Variants in HYDIN observed in about 807,000 individuals in gnomAD.
HYDIN encodes the protein HYDIN axonemal central pair apparatus protein, also known as axonemal central pair apparatus protein HYDIN.
HYDIN carries 132 observed loss-of-function variants against 403.9 expected under a neutral mutation model. The ratio of observed to expected loss-of-function variants is 0.33; its 90% confidence interval spans 0.28 to 0.38. The LOEUF is 0.38. HYDIN is among the 10% of genes least tolerant of loss of function. The probability of loss-of-function intolerance (pLI) is 1.00; values close to 1 mark genes in which losing one functional copy is unlikely to be tolerated. For missense variants in HYDIN, 2,827 were observed against 5,009.5 expected (o/e 0.56, Z 13.15); for synonymous variants, 1,202 against 1,891.7 (o/e 0.64, Z 9.46).
chr16:70,987,259 G>A (rs1359495544), intron 27 of HYDIN, among the ~76,000 whole-genome samples: 5 of 152,160 alleles, frequency 3.3e-5, no homozygotes, highest in African/African-American at 4.8e-5. Flanking sequence ...AAGTAAAACC[G>A]GAATACGAAA....
In HYDIN at chr16:71,230,635, C is replaced by G. The variant is rs1399099196; in HGVS notation, c.-97G>C. 1.3e-6 allele frequency: 2 copies of G among 1,536,032 alleles called. No homozygotes were observed. The highest frequency in any genetic ancestry group is 2.0e-5 in the Admixed American group (1 of 50,996). Reference sequence around the variant, plus strand: ...AGACCCCGCGTCCAACTCACAGACCCCGCCGCCGCTGAGGGGCTCCATACC... The same window carrying G: ...AGACCCCGCGTCCAACTCACAGACCGCGCCGCCGCTGAGGGGCTCCATACC... On this transcript the variant is annotated 5_prime_UTR_variant, in exon 1 of 86. Coordinates refer to ENST00000393567, the MANE Select transcript of HYDIN (RefSeq NM_001270974.2).
chr16:70,850,104 T>C (rs1342168), intron 74 of HYDIN, among the ~76,000 whole-genome samples, 157 bp from the exon 75 acceptor site: 3 of 152,310 alleles, frequency 2.0e-5, no homozygotes, highest in African/African-American at 7.2e-5. Context: ...TCAGATATTC[T>C]AGCAGGAGCT....
At chr16:71,217,068 C>T (rs765745783) in intron 1 of HYDIN, among the ~76,000 whole-genome samples, 1 of 152,166 alleles carries the variant, frequency 6.6e-6, no homozygotes, top group African/African-American at 2.4e-5. Context: ...TCCTGTAAGT[C>T]TCCAGTTAAA....
At chr16:71,090,054 C>G (rs1212953593) in intron 11 of HYDIN, 1 of 107,998 alleles carries the variant, frequency 9.3e-6, no homozygotes, top group African/African-American at 4.1e-5. Flanking sequence ...GCAGCAGAGG[C>G]AGAGCAGAGG....
At chr16:70,964,978 A>C (rs192200097) in intron 36 of HYDIN, 82 bp from the exon 37 acceptor site, 73,751 of 728,974 alleles carry the variant, frequency 0.1, 3,429 homozygotes, top group South Asian at 0.14. Context: ...CACTGATTTT[A>C]TAAAACTCCT....
intron 4 of HYDIN, among the ~76,000 whole-genome samples, chr16:71,177,637 T>C (rs1446155496): frequency 2.0e-5 from 3 of 152,224 alleles, no homozygotes; most frequent in African/African-American, 4.8e-5. Context: ...GATTCTTGCA[T>C]AGTCTTTACT....
intron 78 of HYDIN, among the ~76,000 whole-genome samples, chr16:70,835,034 T>C (rs1420325388): frequency 6.8e-6 from 1 of 147,116 alleles, no homozygotes; most frequent in East Asian, 2.0e-4. Flanking sequence ...ATGTTTTTTT[T>C]TTTTTTGAGA....
At chr16:71,218,609 T>G (rs1231760157) in intron 1 of HYDIN, among the ~76,000 whole-genome samples, 2 of 152,210 alleles carry the variant, frequency 1.3e-5, no homozygotes, top group Non-Finnish European at 2.9e-5. Flanking sequence ...ACTAACAGTT[T>G]TAACATAACA....
intron 13 of HYDIN, among the ~76,000 whole-genome samples, chr16:71,072,639 A>C (rs2082503068): frequency 1.3e-5 from 2 of 151,792 alleles, no homozygotes; most frequent in Admixed American, 1.3e-4. Flanking sequence ...CTTGATGAAG[A>C]GTTTTACCTT....
intron 45 of HYDIN, among the ~76,000 whole-genome samples, chr16:70,930,262 C>T (rs1236254594): frequency 2.0e-5 from 3 of 152,256 alleles, no homozygotes; most frequent in Admixed American, 2.0e-4. Flanking sequence ...GGGAGGGTCA[C>T]CTGAGGTCAG....
intron 27 of HYDIN, among the ~76,000 whole-genome samples, 165 bp downstream of exon 27, chr16:70,987,738 CGATAAGAAAAGCAAGTGTAAG>C (rs1184213950): frequency 3.8e-5 from 2 of 52,392 alleles, no homozygotes; most frequent in African/African-American, 1.4e-4. Context: ...TTTCAGGAGA[CGATAAGAAAAGCAAGTGTAAG>C]TATCTGGCAA....
chr16:70,915,074 G>A (rs1482307996), intron 47 of HYDIN, among the ~76,000 whole-genome samples: 4 of 151,358 alleles, frequency 2.6e-5, no homozygotes, highest in Non-Finnish European at 4.4e-5. Context: ...CTGGAACTGG[G>A]CTTCACCTTT....
chr16:70,939,481 G>C (rs933694903), intron 43 of HYDIN, among the ~76,000 whole-genome samples: 9 of 152,156 alleles, frequency 5.9e-5, no homozygotes, highest in African/African-American at 1.9e-4. Flanking sequence ...AATGTCCTAA[G>C]GTAGCATACT....
At chr16:71,047,057 T>C (rs1329833191) in intron 18 of HYDIN, among the ~76,000 whole-genome samples, 2 of 152,128 alleles carry the variant, frequency 1.3e-5, no homozygotes, top group African/African-American at 4.8e-5. Context: ...TAATGATAGG[T>C]GCTAGCTGTA....
intron 1 of HYDIN, 60 bp from the exon 2 acceptor site, chr16:71,186,978 A>G (rs914747105): frequency 3.5e-5 from 39 of 1,112,860 alleles, no homozygotes; most frequent in Non-Finnish European, 4.9e-5. Context: ...TACAGGTCAT[A>G]ATTTTTTTTA....
At chr16:70,897,878 C>G (rs1026519974) in intron 53 of HYDIN, among the ~76,000 whole-genome samples, 4 of 151,784 alleles carry the variant, frequency 2.6e-5, no homozygotes, top group African/African-American at 4.8e-5. Flanking sequence ...TGTGAAAATA[C>G]AAAAATGTGG....
At chr16:71,064,554 T>C (rs1214039581) in intron 16 of HYDIN, 151 bp downstream of exon 16, 4 of 699,414 alleles carry the variant, frequency 5.7e-6, no homozygotes, top group African/African-American at 5.3e-5. Flanking sequence ...TGTGACTTTA[T>C]AACCCGATCC....
chr16:70,995,331 T>C (rs1374564649), intron 23 of HYDIN, among the ~76,000 whole-genome samples: 3 of 152,066 alleles, frequency 2.0e-5, no homozygotes, highest in Non-Finnish European at 2.9e-5. Flanking sequence ...ACAAGAACAA[T>C]CGATACTGTT....
At chr16:70,923,704 C>A (rs2077068995) in intron 45 of HYDIN, among the ~76,000 whole-genome samples, 1 of 147,858 alleles carries the variant, frequency 6.8e-6, no homozygotes, top group African/African-American at 2.5e-5. Flanking sequence ...GCCTGTAGTC[C>A]CAGCTACTCA....
Sources: allele counts gnomAD v4.1 joint callset (sites outside exome capture counted in the v4.1 genomes callset), GRCh38; gene constraint gnomAD v4.1.1; transcripts MANE v1.5; gene names NCBI Gene and HGNC (gene_info 2026-07-23, HGNC 2026-07-21).